Variants in TYW1 observed in about 807,000 individuals in gnomAD.
TYW1 encodes tRNA-yW synthesizing protein 1 homolog, also known as S-adenosyl-L-methionine-dependent tRNA 4-demethylwyosine synthase TYW1.
In TYW1, 46 loss-of-function variants were observed where a neutral mutation model predicts 96.2. That is an observed-to-expected ratio of 0.48 (90% CI 0.38 to 0.61). The LOEUF (loss-of-function observed/expected upper bound fraction) is 0.61. Among genes scored for constraint, TYW1 ranks in the 20% least tolerant of loss-of-function variants. The pLI, the probability that TYW1 is intolerant of heterozygous loss-of-function variation, is 0.00. For synonymous variants in TYW1, 274 were observed against 323.0 expected, an observed-to-expected ratio of 0.85 and a Z score of 1.63; for missense variants, 684 against 909.6, an observed-to-expected ratio of 0.75 and a Z score of 3.19.
chr7:67,098,644 G>A lies in TYW1; in HGVS notation c.1488G>A (p.Arg496=). 3.1e-6 allele frequency: 5 copies of A among 1,614,006 alleles called. No individual in the cohort carries two copies. The South Asian group carries it at 5.5e-5, about 18-fold the overall frequency. Residue 496 remains arginine, a synonymous_variant, in exon 12 of 16, where the codon AGG becomes AGA. Coordinates refer to ENST00000359626, the MANE Select transcript of TYW1 (RefSeq NM_018264.4). ...GEPIMYPEIN[R]FLKLLHQCKI... The stretch of plus-strand genomic sequence containing the variant: ...CAATAATGTACCCAGAGATCAACAG[G>A]TTTTTGAAGCTACTCCACCAGTGTA...
At chr7:67,137,942 C>G (rs1414065512) in intron 13 of TYW1, among the ~76,000 whole-genome samples, 1 of 152,194 alleles carries the variant, frequency 6.6e-6, no homozygotes, top group Non-Finnish European at 1.5e-5. Context: ...ACCTCTTCCT[C>G]TTGATCCCAG....
At chr7:67,134,520 T>A (rs905141387) in intron 13 of TYW1, among the ~76,000 whole-genome samples, 8 of 150,674 alleles carry the variant, frequency 5.3e-5, no homozygotes, top group African/African-American at 2.0e-4. Flanking sequence ...CCAGGCTAGG[T>A]GATAGAGCAA....
At chr7:67,038,015 C>T (rs1415668345) in intron 7 of TYW1, among the ~76,000 whole-genome samples, 1 of 152,064 alleles carries the variant, frequency 6.6e-6, no homozygotes. Context: ...AAAGGAAATG[C>T]TCGGGCCGAG....
rs557074163 is a variant in TYW1, at chr7:67,171,773, C to G, written c.1699-11353C>G. Among the ~76,000 whole-genome samples the G allele has an allele frequency of 2.0e-5, 3 of 152,184 alleles. No homozygotes were observed. The East Asian group carries it at 5.8e-4, about 29-fold the overall frequency. On this transcript the variant is annotated intron_variant, in intron 13 of 15. Coordinates refer to ENST00000359626, the MANE Select transcript of TYW1 (RefSeq NM_018264.4). ...TAAAGTCTGTCTAATACTAGTAAAGCAACACTAGTTTTTTTTATGGTCAGT... is the reference window on the plus strand; with the variant it reads ...TAAAGTCTGTCTAATACTAGTAAAGGAACACTAGTTTTTTTTATGGTCAGT...
At chr7:67,154,597 T>A (rs573296854) in intron 13 of TYW1, among the ~76,000 whole-genome samples, 1 of 152,306 alleles carries the variant, frequency 6.6e-6, no homozygotes, top group African/African-American at 2.4e-5. Flanking sequence ...GACTTGACAC[T>A]CTTGCTGTTT....
intron 13 of TYW1, among the ~76,000 whole-genome samples, chr7:67,137,812 G>C (rs1048218857): frequency 1.3e-5 from 2 of 152,186 alleles, no homozygotes; most frequent in Non-Finnish European, 2.9e-5. Flanking sequence ...CCTGTCCAAA[G>C]GGCCTAGTTT....
intron 15 of TYW1, among the ~76,000 whole-genome samples, chr7:67,223,638 C>G (rs1037521650): frequency 1.3e-5 from 2 of 149,898 alleles, no homozygotes; most frequent in African/African-American, 2.5e-5. Context: ...CTGGCTGCCT[C>G]TATTCCACCC....
At chr7:67,069,235 TATTTTGA>T (rs1795961619) in intron 10 of TYW1, among the ~76,000 whole-genome samples, 1 of 152,234 alleles carries the variant, frequency 6.6e-6, no homozygotes, top group African/African-American at 2.4e-5. Context: ...TGGGATTGAC[TATTTTGA>T]ATTGGTAAAC....
chr7:67,097,833 C>T (rs1258602321), intron 11 of TYW1, among the ~76,000 whole-genome samples: 1 of 151,708 alleles, frequency 6.6e-6, no homozygotes, highest in Non-Finnish European at 1.5e-5. Context: ...GTTGGGACCA[C>T]AGACATGTGC....
intron 4 of TYW1, among the ~76,000 whole-genome samples, chr7:67,012,347 C>CA (rs903529190): frequency 5.3e-4 from 79 of 148,746 alleles, no homozygotes; most frequent in African/African-American, 1.3e-3. Context: ...GACTCTGTCT[C>CA]AAAAAAAAAC....
chr7:67,161,166 T>A (rs1799154272), intron 13 of TYW1, among the ~76,000 whole-genome samples: 1 of 152,240 alleles, frequency 6.6e-6, no homozygotes, highest in Non-Finnish European at 1.5e-5. Flanking sequence ...AAATACATGC[T>A]ATGTTCTTCA....
intron 13 of TYW1, among the ~76,000 whole-genome samples, chr7:67,126,371 T>C (rs1235866649): frequency 6.6e-6 from 1 of 152,064 alleles, no homozygotes; most frequent in Admixed American, 6.5e-5. Context: ...TCTTTGTATA[T>C]TTTGGAGTCC....
intron 12 of TYW1, among the ~76,000 whole-genome samples, chr7:67,100,824 ACTGC>A (rs1797061257): frequency 1.4e-5 from 2 of 142,134 alleles, no homozygotes; most frequent in South Asian, 4.5e-4. Flanking sequence ...AGATCACGCC[ACTGC>A]ACTCCAGCCT....
At chr7:67,151,508 G>A (rs925370902) in intron 13 of TYW1, among the ~76,000 whole-genome samples, 4 of 151,706 alleles carry the variant, frequency 2.6e-5, no homozygotes, top group South Asian at 2.1e-4. Context: ...TTTTCCTAAT[G>A]TCTCCTTTAG....
intron 14 of TYW1, among the ~76,000 whole-genome samples, chr7:67,194,459 T>G (rs1474197728): frequency 6.6e-6 from 1 of 151,928 alleles, no homozygotes; most frequent in Admixed American, 6.6e-5. Flanking sequence ...ACCCCATCTC[T>G]ACTAAAAATA....
intron 13 of TYW1, among the ~76,000 whole-genome samples, chr7:67,135,270 C>A (rs1798210051): frequency 6.7e-6 from 1 of 148,734 alleles, no homozygotes; most frequent in Non-Finnish European, 1.5e-5. Flanking sequence ...ATCACCCCAA[C>A]CAAGTTTCTT....
chr7:67,069,149 TTTG>T (rs1795959771), intron 10 of TYW1, among the ~76,000 whole-genome samples: 1 of 152,208 alleles, frequency 6.6e-6, no homozygotes, highest in African/African-American at 2.4e-5. Flanking sequence ...TGGGGGTGAT[TTTG>T]TTATGATTAT....
intron 10 of TYW1, among the ~76,000 whole-genome samples, chr7:67,069,675 G>C (rs1795973997): frequency 6.6e-6 from 1 of 151,870 alleles, no homozygotes; most frequent in Admixed American, 6.6e-5. Context: ...GGAGGTGGAG[G>C]GTGCAATGAG....
intron 15 of TYW1, among the ~76,000 whole-genome samples, chr7:67,211,099 C>T (rs1466845341): frequency 6.6e-6 from 1 of 150,602 alleles, no homozygotes; most frequent in African/African-American, 2.5e-5. Flanking sequence ...TTTGGCCATT[C>T]GGATCTCTTT....
Sources: gnomAD v4.1 joint callset for allele counts (sites outside exome capture counted in the v4.1 genomes callset) on GRCh38, gnomAD v4.1.1 for gene constraint, MANE v1.5 for transcripts, NCBI Gene and HGNC (gene_info 2026-07-23, HGNC 2026-07-21) for gene names.